The following SLC39A10 variants were observed in gnomAD, a reference collection of about 807,000 sequenced individuals.
The protein encoded by SLC39A10 is solute carrier family 39 member 10, also known as zinc transporter ZIP10.
In SLC39A10, 13 loss-of-function variants were observed where a neutral mutation model predicts 65.1. The observed-to-expected ratio is 0.20, with a 90% CI of 0.13 to 0.32. SLC39A10 has a LOEUF of 0.32. SLC39A10 is among the 10% of genes least tolerant of loss of function. The probability of loss-of-function intolerance (pLI) is 1.00; values close to 1 mark genes in which losing one functional copy is unlikely to be tolerated. For synonymous variants in SLC39A10, 321 were observed against 342.2 expected, an observed-to-expected ratio of 0.94 and a Z score of 0.68; for missense variants, 831 against 1,018.4, an observed-to-expected ratio of 0.82 and a Z score of 2.50.
At chr2:195,714,851 C>T (rs1321676490) in intron 6 of SLC39A10, among the ~76,000 whole-genome samples, 1 of 152,118 alleles carries the variant, frequency 6.6e-6, no homozygotes, top group East Asian at 1.9e-4. Flanking sequence ...CTCCTGGGTT[C>T]ATGCCATTCT....
rs183193921 is a variant in SLC39A10, at chr2:195,694,632, C to T, written c.1216+10726C>T. Among the ~76,000 whole-genome samples, 6 of 152,278 alleles carry T rather than the reference C, an allele frequency of 3.9e-5. No individual in the cohort carries two copies. The East Asian group carries it at 1.2e-3, about 29-fold the overall frequency. On this transcript the variant is annotated intron_variant, in intron 3 of 9. Transcript: ENST00000359634. ...CAGGTCTGTCAGCTGTGGATACCAG[C>T]ACCTGTTCTTGAGGAGGTAGCAGGA...
At chr2:195,662,098 GTATTGT>G (rs1373126846) in intron 1 of SLC39A10, among the ~76,000 whole-genome samples, 1 of 152,164 alleles carries the variant, frequency 6.6e-6, no homozygotes, top group Admixed American at 6.5e-5. Flanking sequence ...AGGACGAGAA[GTATTGT>G]TATAAGAACT....
intron 8 of SLC39A10, among the ~76,000 whole-genome samples, chr2:195,721,557 A>G (rs1692040735): frequency 6.6e-6 from 1 of 151,790 alleles, no homozygotes; most frequent in African/African-American, 2.4e-5. Flanking sequence ...TAGATGCCGT[A>G]TTTCTTAAAC....
chr2:195,618,207 A>G (rs1034226250), intron 2 of SLC39A10, among the ~76,000 whole-genome samples: 1 of 151,826 alleles, frequency 6.6e-6, no homozygotes. Context: ...AAAAATTAGC[A>G]GGGCATGGTG....
rs938878484 is a variant in SLC39A10, at chr2:195,713,142, T to C, written c.1576-291T>C. Among the ~76,000 whole-genome samples the C allele has an allele frequency of 1.6e-4, 25 of 152,240 alleles. 1 individual carries two copies. The highest frequency in any genetic ancestry group is 1.5e-3 in the Admixed American group (23 of 15,284). On this transcript the variant is annotated intron_variant, in intron 5 of 9. Coordinates refer to ENST00000359634, the MANE Select transcript of SLC39A10 (RefSeq NM_020342.3). ...TGGATAAGAGATTTTACACATGTTA[T>C]ACACGTTTCATTTGTTGCATCTAAT...
chr2:195,656,174 C>G (rs533725780), upstream of SLC39A10, among the ~76,000 whole-genome samples: 1 of 152,284 alleles, frequency 6.6e-6, no homozygotes, highest in East Asian at 1.9e-4. Flanking sequence ...TAAGTAGATT[C>G]TGGTTGGATA....
intron 2 of SLC39A10, among the ~76,000 whole-genome samples, chr2:195,647,701 C>T (rs947515760): frequency 2.0e-5 from 3 of 151,036 alleles, no homozygotes; most frequent in Admixed American, 2.0e-4. Context: ...CATCCACCAC[C>T]ACCACCACCA....
At chr2:195,674,940 G>T (rs765033044) in intron 1 of SLC39A10, among the ~76,000 whole-genome samples, 8 of 152,170 alleles carry the variant, frequency 5.3e-5, no homozygotes, top group Non-Finnish European at 1.0e-4. Context: ...CCAGTGTTGG[G>T]CACTAATATG....
chr2:195,629,594 C>G (rs982377366), intron 2 of SLC39A10, among the ~76,000 whole-genome samples: 1 of 152,126 alleles, frequency 6.6e-6, no homozygotes. Context: ...TCAATATTGT[C>G]TGAATACAAC....
intron 3 of SLC39A10, among the ~76,000 whole-genome samples, chr2:195,701,042 G>T (rs1264331582): frequency 9.7e-6 from 1 of 103,280 alleles, no homozygotes; most frequent in Non-Finnish European, 1.7e-5. Flanking sequence ...CATCTTACTT[G>T]ACTTCTACAG....
chr2:195,636,478 G>A (rs928077637), intron 2 of SLC39A10, among the ~76,000 whole-genome samples: 19 of 152,156 alleles, frequency 1.2e-4, no homozygotes, highest in African/African-American at 4.1e-4. Flanking sequence ...TTGGCCTGGC[G>A]CAGTGGCTCA....
chr2:195,684,036 C>A, intron 3 of SLC39A10, 130 bp downstream of exon 3: 1 of 721,462 alleles, frequency 1.4e-6, no homozygotes, highest in Non-Finnish European at 2.2e-6. Flanking sequence ...ATATTTTAAT[C>A]AGGTTTAGAT....
chr2:195,652,386 C>A (rs1253548772), upstream of SLC39A10, among the ~76,000 whole-genome samples: 1 of 151,346 alleles, frequency 6.6e-6, no homozygotes, highest in Non-Finnish European at 1.5e-5. Flanking sequence ...CGTCTCTCCC[C>A]CAAAATACAA....
Position 195,657,316 on chromosome 2 carries a change from C to T in SLC39A10, c.-12+35C>T, listed in dbSNP as rs574752712. ...AAACCCCGATTTGTTTACATTCCCT[C>T]CCCCAGAACCGGCCCCGTGCGCGGC... On this transcript the variant is annotated intron_variant, in intron 1 of 9. Coordinates refer to ENST00000359634, the MANE Select transcript of SLC39A10 (RefSeq NM_020342.3). 777 of 897,490 alleles carry T rather than the reference C, an allele frequency of 8.7e-4. 2 individuals carry two copies. Among genetic ancestry groups the T allele is most frequent in the Non-Finnish European group, 1.0e-3 (755 of 749,470 alleles). 55.6% of individuals were successfully genotyped at this position (897,490 alleles called of 1,614,324 possible).
chr2:195,639,605 A>G (rs1688762948), intron 2 of SLC39A10, among the ~76,000 whole-genome samples: 1 of 152,044 alleles, frequency 6.6e-6, no homozygotes, highest in African/African-American at 2.4e-5. Flanking sequence ...TTTTTTTGAG[A>G]TGGAGTTTCG....
chr2:195,689,393 A>G (rs976498656), intron 3 of SLC39A10, among the ~76,000 whole-genome samples: 1 of 152,076 alleles, frequency 6.6e-6, no homozygotes. Context: ...CCGTACTCCA[A>G]CCTGGATAAC....
chr2:195,647,042 T>C (rs1688936773), intron 2 of SLC39A10, among the ~76,000 whole-genome samples: 1 of 152,198 alleles, frequency 6.6e-6, no homozygotes, highest in African/African-American at 2.4e-5. Flanking sequence ...ACTCTCCTCT[T>C]CTTCCCTCTT....
chr2:195,709,219 GT>G (rs1172306446), intron 5 of SLC39A10, among the ~76,000 whole-genome samples: 2 of 151,680 alleles, frequency 1.3e-5, no homozygotes, highest in Admixed American at 1.3e-4. Flanking sequence ...ATGTATGTAT[GT>G]ATGTATGTAT....
intron 2 of SLC39A10, among the ~76,000 whole-genome samples, chr2:195,621,858 G>A (rs1042413452): frequency 3.3e-5 from 5 of 152,082 alleles, no homozygotes; most frequent in African/African-American, 1.2e-4. Context: ...TATGATAGGT[G>A]CTTCATGAAA....
Sources: allele counts gnomAD v4.1 joint callset (sites outside exome capture counted in the v4.1 genomes callset), GRCh38; gene constraint gnomAD v4.1.1; transcripts MANE v1.5; gene names NCBI Gene and HGNC (gene_info 2026-07-23, HGNC 2026-07-21).